The following NACC2 variants were observed in gnomAD, a reference collection of about 807,000 sequenced individuals.
The protein encoded by NACC2 is NACC family member 2.
NACC2 carries 8 observed loss-of-function variants against 25.1 expected under a neutral mutation model. The ratio of observed to expected loss-of-function variants is 0.32; its 90% CI spans 0.19 to 0.57. The LOEUF is 0.57. NACC2 is among the 20% of genes least tolerant of loss of function. The pLI, the probability that NACC2 is intolerant of heterozygous loss-of-function variation, is 0.89. For synonymous variants in NACC2, 435 were observed against 294.7 expected (o/e 1.48, Z -4.88); for missense variants, 644 against 650.2 (o/e 0.99, Z 0.10).
rs201143571 is a variant in NACC2 at position 136,013,973 on chromosome 9, C to T, written c.1052-4G>A. ...CGTGTGATGTAGACCCCAGAGCCTG[C>T]AGCCACCAAACAGAAAAAGGGCTCG... On this transcript the variant is annotated splice_region_variant and splice_polypyrimidine_tract_variant and intron_variant, in intron 3 of 5. Coordinates refer to ENST00000277554, the MANE Select transcript of NACC2 (RefSeq NM_144653.5). The surrounding 1 kb of genome is among the most constrained non-coding windows in gnomAD (Gnocchi z 6.6). 10 of 1,610,112 alleles carry T rather than the reference C, an allele frequency of 6.2e-6. No individual in the cohort carries two copies. The African/African-American group carries it at 8.0e-5, about 13-fold the overall frequency.
intron 1 of NACC2, among the ~76,000 whole-genome samples, chr9:136,088,363 C>T (rs949911999): frequency 4.6e-5 from 7 of 152,094 alleles, no homozygotes; most frequent in African/African-American, 1.7e-4. Flanking sequence ...CTGCCTCTCT[C>T]CCCTAGGGCA....
Position 136,008,826 on chromosome 9 carries a change from G to C in NACC2, c.*2690C>G. ...CTCACGCCCACCGTGGGACACATTAGTGCAAAATGCTCGGCCTGGCCCGCC... is the reference window on the plus strand; with the variant it reads ...CTCACGCCCACCGTGGGACACATTACTGCAAAATGCTCGGCCTGGCCCGCC... On this transcript the variant is annotated 3_prime_UTR_variant, in exon 6 of 6. Transcript: ENST00000277554. 1 of 152,328 alleles carries C rather than the reference G, an allele frequency of 6.6e-6. No individual in the cohort carries two copies. The highest frequency in any genetic ancestry group is 2.4e-5 in the African/African-American group (1 of 41,470). 9.4% of individuals were successfully genotyped at this position (152,328 alleles called of 1,614,324 possible).
intron 1 of NACC2, among the ~76,000 whole-genome samples, chr9:136,080,899 G>A (rs963311510): frequency 6.6e-6 from 1 of 152,164 alleles, no homozygotes; most frequent in Non-Finnish European, 1.5e-5. Context: ...TGCGTGCTAG[G>A]GTGCCAAGCC....
At chr9:136,089,832 G>C (rs1330184081) in intron 1 of NACC2, among the ~76,000 whole-genome samples, 1 of 151,534 alleles carries the variant, frequency 6.6e-6, no homozygotes, top group Non-Finnish European at 1.5e-5. Context: ...CTCAGCAGGG[G>C]TCAGTGTGGA....
chr9:136,085,414 G>C (rs996562826), intron 1 of NACC2, among the ~76,000 whole-genome samples: 2 of 151,474 alleles, frequency 1.3e-5, no homozygotes, highest in African/African-American at 4.8e-5. Context: ...AGCTACTCCA[G>C]AGGCTGAGGC....
At chr9:136,073,008 T>C (rs1830214467) in intron 1 of NACC2, among the ~76,000 whole-genome samples, 1 of 152,186 alleles carries the variant, frequency 6.6e-6, no homozygotes, top group Non-Finnish European at 1.5e-5. Flanking sequence ...AAACTGGACT[T>C]TATCAAAATT....
chr9:136,068,813 A>G (rs1841117163), intron 1 of NACC2, among the ~76,000 whole-genome samples: 1 of 151,828 alleles, frequency 6.6e-6, no homozygotes, highest in Non-Finnish European at 1.5e-5. Context: ...AAAAGATAGA[A>G]CAGAATCAAA....
At position 136,013,177 on chromosome 9, in the gene NACC2, C is replaced by CCCT; in HGVS notation, c.1255+21_1255+22insAGG. On this transcript the variant is annotated intron_variant, in intron 5 of 5. Transcript: ENST00000277554. The surrounding 1 kb of genome is among the most constrained non-coding windows in gnomAD (Gnocchi z 6.6). ...GAACCCAGCCCCGGCCCCACCCACC[C>CCCT]GAGAGACCCCCAGGCTCTTACATTT... 2 of 1,487,430 alleles carry CCCT rather than the reference C, an allele frequency of 1.3e-6. No homozygotes were observed. Among genetic ancestry groups the CCCT allele is most frequent in the Non-Finnish European group, 1.9e-6 (2 of 1,071,832 alleles). 92.1% of individuals were successfully genotyped at this position (1,487,430 alleles called of 1,614,324 possible).
At position 136,050,279 on chromosome 9, in the gene NACC2, G is replaced by A. The variant is rs1238562484; in HGVS notation, c.243C>T (p.Ile81=). Residue 81 remains isoleucine, a synonymous_variant, in exon 2 of 6, where the codon ATC becomes ATT. Coordinates refer to ENST00000277554, the MANE Select transcript of NACC2 (RefSeq NM_144653.5). ...GCCTGCCCGTGTAGCAGAAGGACAGGATCTGCTGGAAGCAGGCGGGCGGCA... is the reference window on the plus strand; with the variant it reads ...GCCTGCCCGTGTAGCAGAAGGACAGAATCTGCTGGAAGCAGGCGGGCGGCA... ...GSVPPACFQQ[I]LSFCYTGRLT... is the part of the protein sequence containing the mutation. The A allele has an allele frequency of 1.3e-5, 10 of 762,874 alleles. No homozygotes were observed. The highest frequency in any genetic ancestry group is 2.4e-5 in the Non-Finnish European group (10 of 412,146). The allele number at this position is 762,874 out of a possible 1,614,324, so 47.3% of individuals were successfully genotyped here. A position where few individuals can be genotyped will look rare whatever the true frequency, so the allele number is the denominator to read the frequency against.
Position 136,016,321 on chromosome 9 carries a change from C to T in NACC2, c.995G>A (p.Cys332Tyr). ...ASLISQIGYR[C>Y]HPKLYSEGDP... ...CCCTTCCGAGTAGAGCTTGGGATGG[C>T]AGCGGTATCCGATCTGGCTGATGAG... Residue 332 changes from cysteine to tyrosine, a missense_variant, in exon 3 of 6, where the codon TGC becomes TAC. Transcript: ENST00000277554. 1 of 1,612,706 alleles carries T rather than the reference C, an allele frequency of 6.2e-7. No homozygotes were observed. Among genetic ancestry groups the T allele is most frequent in the Non-Finnish European group, 8.5e-7 (1 of 1,179,992 alleles).
chr9:136,064,435 T>C (rs1841055949), intron 1 of NACC2, among the ~76,000 whole-genome samples: 1 of 152,074 alleles, frequency 6.6e-6, no homozygotes, highest in Admixed American at 6.5e-5. Flanking sequence ...TAAAATCAAG[T>C]AAACAATTCC....
chr9:136,021,081 TA>T (rs1298228948), intron 2 of NACC2, among the ~76,000 whole-genome samples: 3 of 152,100 alleles, frequency 2.0e-5, no homozygotes, highest in African/African-American at 7.2e-5. Context: ...TGAATGAAGA[TA>T]AAAAAACAAG....
At chr9:136,075,536 C>T (rs1830253493) in intron 1 of NACC2, among the ~76,000 whole-genome samples, 1 of 152,266 alleles carries the variant, frequency 6.6e-6, no homozygotes, top group Non-Finnish European at 1.5e-5. Flanking sequence ...GCAGCTGGGG[C>T]CAAGCCCAGG....
intron 1 of NACC2, among the ~76,000 whole-genome samples, chr9:136,072,405 C>T (rs565143254): frequency 2.0e-5 from 3 of 152,168 alleles, no homozygotes; most frequent in South Asian, 2.1e-4. Context: ...ATTAGCCGGG[C>T]GTGCTGGTGT....
intron 2 of NACC2, among the ~76,000 whole-genome samples, chr9:136,032,572 G>A (rs1022478324): frequency 1.2e-4 from 18 of 152,144 alleles, no homozygotes; most frequent in African/African-American, 4.3e-4. Flanking sequence ...AAGAAATAAA[G>A]AAATTGTGGT....
chr9:136,085,750 G>C (rs1830372955), intron 1 of NACC2, among the ~76,000 whole-genome samples: 1 of 152,256 alleles, frequency 6.6e-6, no homozygotes, highest in South Asian at 2.1e-4. Context: ...TTTTCTGTAA[G>C]TTTAATTACT....
intron 1 of NACC2, among the ~76,000 whole-genome samples, chr9:136,076,577 G>T (rs749334664): frequency 1.3e-5 from 2 of 152,128 alleles, no homozygotes; most frequent in Admixed American, 6.5e-5. Flanking sequence ...GTGCAGTTTC[G>T]GTCAGGGATG....
intron 3 of NACC2, among the ~76,000 whole-genome samples, chr9:136,014,951 C>G (rs1426636291): frequency 6.6e-6 from 1 of 151,540 alleles, no homozygotes; most frequent in Non-Finnish European, 1.5e-5. Context: ...TTTCTGGGGG[C>G]AGCCAGTCTC....
intron 1 of NACC2, among the ~76,000 whole-genome samples, chr9:136,051,439 C>T (rs1004797360): frequency 1.1e-4 from 16 of 152,316 alleles, no homozygotes; most frequent in Admixed American, 1.0e-3. Flanking sequence ...GGGGTCCCAG[C>T]CCTCGCCGGG....
Sources: allele counts gnomAD v4.1 joint callset (sites outside exome capture counted in the v4.1 genomes callset), GRCh38; gene constraint gnomAD v4.1.1; non-coding constraint Gnocchi (gnomAD v3.1); transcripts MANE v1.5; gene names NCBI Gene and HGNC (gene_info 2026-07-23, HGNC 2026-07-21).